MECOM: variants seen among roughly 807,000 people sequenced by gnomAD.
MECOM encodes MDS1 and EVI1 complex locus, also known as histone-lysine N-methyltransferase MECOM.
Under a neutral mutation model 116.3 loss-of-function variants are expected in MECOM, and 13 were observed. The ratio of observed to expected loss-of-function variants is 0.11; its 90% confidence interval spans 0.07 to 0.18. The LOEUF is 0.18. Ranked by LOEUF, MECOM falls within the 10% of genes least tolerant of loss-of-function variation. MECOM has a pLI of 1.00. For missense variants in MECOM, 1,299 were observed against 1,509.0 expected (o/e 0.86, Z 2.31); for synonymous variants, 528 against 535.2 (o/e 0.99, Z 0.19).
At chr3:169,414,143 G>A (rs1217086162) in intron 1 of MECOM, among the ~76,000 whole-genome samples, 1 of 152,162 alleles carries the variant, frequency 6.6e-6, no homozygotes, top group Non-Finnish European at 1.5e-5. Context: ...GACAGCTCCG[G>A]CTGGTATATG....
chr3:169,648,518 G>A (rs142432384), intron 1 of MECOM, among the ~76,000 whole-genome samples: 17 of 152,244 alleles, frequency 1.1e-4, no homozygotes, highest in African/African-American at 2.9e-4. Context: ...TAAATCACTC[G>A]CATCTTAAGC....
chr3:169,294,002 C>T, intron 2 of MECOM, among the ~76,000 whole-genome samples: 1 of 152,184 alleles, frequency 6.6e-6, no homozygotes, highest in Non-Finnish European at 1.5e-5. Flanking sequence ...CTCTTTCTAA[C>T]CTTGCTCTAT....
intron 1 of MECOM, among the ~76,000 whole-genome samples, chr3:169,507,521 G>A (rs1032469912): frequency 1.3e-5 from 2 of 152,004 alleles, no homozygotes; most frequent in African/African-American, 4.8e-5. Context: ...CTTTCAGAAA[G>A]AAGGGGTAGG....
chr3:169,191,035 A>G (rs1274072820), intron 2 of MECOM, among the ~76,000 whole-genome samples: 1 of 151,994 alleles, frequency 6.6e-6, no homozygotes, highest in African/African-American at 2.4e-5. Flanking sequence ...AGCAGGACCA[A>G]TTCCCATCTG....
In MECOM at chr3:169,462,450, G is replaced by A. The variant is rs1325681171; in HGVS notation, c.38-80926C>T. Among the ~76,000 whole-genome samples, 5 of 152,152 alleles carry A rather than the reference G, an allele frequency of 3.3e-5. No homozygotes were observed. The South Asian group carries it at 1.0e-3, about 32-fold the overall frequency. On this transcript the variant is annotated intron_variant, in intron 1 of 16. Coordinates refer to ENST00000651503, the MANE Select transcript of MECOM (RefSeq NM_004991.4). The stretch of plus-strand genomic sequence containing the variant: ...ATGTTCTAGATTAGGAGCTCTCTGA[G>A]AGCAAGGAGTGAGAAGTTTTGCTTT...
chr3:169,601,792 A>C (rs1179173610), intron 1 of MECOM, among the ~76,000 whole-genome samples: 1 of 152,246 alleles, frequency 6.6e-6, no homozygotes, highest in African/African-American at 2.4e-5. Flanking sequence ...ACACTGATTA[A>C]AACTGCACAA....
At chr3:169,360,719 T>C (rs947252624) in intron 2 of MECOM, among the ~76,000 whole-genome samples, 1 of 151,704 alleles carries the variant, frequency 6.6e-6, no homozygotes. Flanking sequence ...ATGGCCAGGG[T>C]TGTTATTTCA....
At chr3:169,363,619 A>G (rs1728680665) in intron 2 of MECOM, among the ~76,000 whole-genome samples, 1 of 151,944 alleles carries the variant, frequency 6.6e-6, no homozygotes, top group Admixed American at 6.6e-5. Context: ...AGTAATAGAA[A>G]TGGTGGAGAG....
chr3:169,375,399 A>T (rs1461084490), intron 2 of MECOM, among the ~76,000 whole-genome samples: 1 of 7,048 alleles, frequency 1.4e-4, no homozygotes, highest in South Asian at 2.6e-3. Flanking sequence ...GCTGTTTTTT[A>T]AAAAAAAAAT....
intron 1 of MECOM, among the ~76,000 whole-genome samples, chr3:169,521,823 A>T (rs1757381985): frequency 2.0e-5 from 3 of 152,226 alleles, no homozygotes; most frequent in Non-Finnish European, 4.4e-5. Flanking sequence ...GGATTCAAAC[A>T]ACCACAGGTC....
intron 1 of MECOM, among the ~76,000 whole-genome samples, chr3:169,475,956 T>C (rs947828831): frequency 2.0e-5 from 3 of 152,214 alleles, no homozygotes; most frequent in Non-Finnish European, 2.9e-5. Flanking sequence ...AGCACAGAGA[T>C]ATTTGCTCTA....
chr3:169,255,156 G>A (rs1003811707), intron 2 of MECOM, among the ~76,000 whole-genome samples: 3 of 152,126 alleles, frequency 2.0e-5, no homozygotes, highest in Non-Finnish European at 4.4e-5. Flanking sequence ...GTAATTGACA[G>A]AAGTATACTG....
intron 1 of MECOM, among the ~76,000 whole-genome samples, chr3:169,442,742 G>A (rs892611122): frequency 6.6e-5 from 10 of 152,124 alleles, no homozygotes; most frequent in African/African-American, 2.4e-4. Flanking sequence ...AGTTTTTGTG[G>A]TCTCTTTTCT....
chr3:169,462,169 C>T (rs959322721), intron 1 of MECOM, among the ~76,000 whole-genome samples: 41 of 152,138 alleles, frequency 2.7e-4, no homozygotes, highest in African/African-American at 9.9e-4. Flanking sequence ...ACCAACAACT[C>T]AATCCTCTAG....
intron 2 of MECOM, among the ~76,000 whole-genome samples, chr3:169,191,770 GAAAGAAAGAAAGAA>G: frequency 7.3e-6 from 1 of 136,520 alleles, no homozygotes; most frequent in Non-Finnish European, 1.6e-5. Context: ...AAGAAAGAAA[GAAAGAAAGAAAGAA>G]AGAAAGAAAG....
At chr3:169,379,420 G>C (rs1732034128) in intron 2 of MECOM, among the ~76,000 whole-genome samples, 1 of 151,954 alleles carries the variant, frequency 6.6e-6, no homozygotes, top group Non-Finnish European at 1.5e-5. Context: ...ATTTTATAAA[G>C]GTGTCTTGAA....
At chr3:169,530,311 G>T (rs1758458719) in intron 1 of MECOM, among the ~76,000 whole-genome samples, 1 of 152,192 alleles carries the variant, frequency 6.6e-6, no homozygotes, top group African/African-American at 2.4e-5. Flanking sequence ...TCAAGGACCT[G>T]GAGTGTGCAT....
intron 1 of MECOM, among the ~76,000 whole-genome samples, chr3:169,556,324 G>A (rs890023763): frequency 6.6e-6 from 1 of 152,136 alleles, no homozygotes; most frequent in Non-Finnish European, 1.5e-5. Flanking sequence ...TGGTGGTGGT[G>A]GTAGTGATGT....
Position 169,343,770 on chromosome 3 carries a change from C to T in MECOM, c.375+37417G>A, listed in dbSNP as rs1019086082. 2.6e-5 allele frequency among the ~76,000 whole-genome samples: 4 copies of T among 152,038 alleles called. No homozygotes were observed. The South Asian group carries it at 8.3e-4, about 31-fold the overall frequency. ...TCAACTCTACAGAACATATTAATTT[C>T]AATAAATCTTTTTAAGGGACCAACC... On this transcript the variant is annotated intron_variant, in intron 2 of 16. Coordinates refer to ENST00000651503, the MANE Select transcript of MECOM (RefSeq NM_004991.4).
Sources: gnomAD v4.1 joint callset for allele counts (sites outside exome capture counted in the v4.1 genomes callset) on GRCh38, gnomAD v4.1.1 for gene constraint, MANE v1.5 for transcripts, NCBI Gene and HGNC (gene_info 2026-07-23, HGNC 2026-07-21) for gene names.